The following ATP11B variants were observed in gnomAD, a reference collection of about 807,000 sequenced individuals.
ATP11B encodes phospholipid-transporting ATPase IF.
A neutral mutation model predicts 157.8 loss-of-function variants in ATP11B; 81 were observed. The observed-to-expected ratio is 0.51, with a 90% CI of 0.43 to 0.62. The LOEUF is 0.62. Ranked by LOEUF, ATP11B falls within the 20% of genes least tolerant of loss-of-function variation. The pLI is 0.00. For missense variants in ATP11B, 1,165 were observed against 1,402.2 expected (o/e 0.83, Z 2.70); for synonymous variants, 451 against 469.4 (o/e 0.96, Z 0.51).
At position 182,868,744 on chromosome 3, in the gene ATP11B, A is replaced by G. The variant is rs112190143; in HGVS notation, c.1689-334A>G. Among the ~76,000 whole-genome samples the G allele has an allele frequency of 3.3e-3, 504 of 152,290 alleles. 6 individuals are homozygous for G. Among genetic ancestry groups the G allele is most frequent in the African/African-American group, 0.012 (486 of 41,542 alleles). ...TCCAGTTCTTGCTCTGCCACTCACA[A>G]GCTTACCTGACTTTAGGCAAATTAC... On this transcript the variant is annotated intron_variant, in intron 15 of 29. Transcript: ENST00000323116.
At chr3:182,884,462 A>G (rs995149463) in intron 21 of ATP11B, among the ~76,000 whole-genome samples, 3 of 152,064 alleles carry the variant, frequency 2.0e-5, no homozygotes, top group Non-Finnish European at 4.4e-5. Flanking sequence ...TAGTGTAATA[A>G]TTGATGTTCC....
At chr3:182,915,429 A>G (rs1725074176) in intron 29 of ATP11B, 1 of 985,324 alleles carries the variant, frequency 1.0e-6, no homozygotes, top group Non-Finnish European at 1.2e-6. Context: ...TGGCTCTGTC[A>G]TGTACCTAGG....
At chr3:182,876,290 T>C (rs1246734344) in intron 19 of ATP11B, among the ~76,000 whole-genome samples, 5 of 152,194 alleles carry the variant, frequency 3.3e-5, no homozygotes, top group African/African-American at 1.2e-4. Flanking sequence ...TTGTAAAGCT[T>C]ATGCAGTGGT....
chr3:182,913,525 T>C (rs888700117), intron 28 of ATP11B, among the ~76,000 whole-genome samples: 2 of 152,370 alleles, frequency 1.3e-5, no homozygotes, highest in Middle Eastern at 3.4e-3. Context: ...CCATGCAGAA[T>C]TGGAATTCAT....
At chr3:182,879,938 C>G (rs897027809) in intron 20 of ATP11B, among the ~76,000 whole-genome samples, 1 of 152,116 alleles carries the variant, frequency 6.6e-6, no homozygotes. Flanking sequence ...AGCTACTTAG[C>G]GAGTGAAGGA....
Position 182,895,042 on chromosome 3 carries a change from G to A in ATP11B, c.2983-1658G>A, listed in dbSNP as rs149558269. Among the ~76,000 whole-genome samples, 317 of 151,134 alleles carry A rather than the reference G, an allele frequency of 2.1e-3. 5 individuals carry two copies. The East Asian group carries it at 0.034, about 16-fold the overall frequency. On this transcript the variant is annotated intron_variant, in intron 25 of 29. Coordinates refer to ENST00000323116, the MANE Select transcript of ATP11B (RefSeq NM_014616.3). ...TTGGGAGGATTGCTTGAGCCCGGGA[G>A]GTGGAGATTGCAGTGAGCCGAGATC...
intron 25 of ATP11B, among the ~76,000 whole-genome samples, chr3:182,890,349 A>ACATACAAAT (rs1419016119): frequency 2.0e-5 from 3 of 152,224 alleles, no homozygotes; most frequent in African/African-American, 7.2e-5. Flanking sequence ...GGAGATACAG[A>ACATACAAAT]CATACAAATT....
In ATP11B at chr3:182,919,151, T is replaced by TA. The variant is rs1725312610; in HGVS notation, c.*1048dup. ...GAAGAGCCTCTTTCTGCAGCCGACT[T>TA]AGACATGCTCTTCCCTTTCTATAAG... On this transcript the variant is annotated 3_prime_UTR_variant, in exon 30 of 30. Coordinates refer to ENST00000323116, the MANE Select transcript of ATP11B (RefSeq NM_014616.3). 1 of 152,578 alleles carries TA rather than the reference T, an allele frequency of 6.6e-6. No homozygotes were observed. The highest frequency in any genetic ancestry group is 2.4e-5 in the African/African-American group (1 of 41,452). The allele number at this position is 152,578 out of a possible 1,614,324, so 9.5% of individuals were successfully genotyped here.
intron 10 of ATP11B, among the ~76,000 whole-genome samples, chr3:182,857,576 ACTT>A (rs145023553): frequency 0.13 from 19,728 of 150,812 alleles, 1,494 homozygotes; most frequent in African/African-American, 0.22. Context: ...AAAAAAAAAA[ACTT>A]AGAATAATTA....
rs1341285705 is a variant in ATP11B, at chr3:182,826,576, A to G, written c.145-1544A>G. On this transcript the variant is annotated intron_variant, in intron 2 of 29. Transcript: ENST00000323116. Reference sequence around the variant, plus strand: ...CTTCCTTTGGCTCCAGGAAGTATCTACCTCTCTTCTTTCTAGAGCCCTAAA... The same window carrying G: ...CTTCCTTTGGCTCCAGGAAGTATCTGCCTCTCTTCTTTCTAGAGCCCTAAA... Among the ~76,000 whole-genome samples the G allele has an allele frequency of 5.3e-5, 8 of 152,008 alleles. No individual in the cohort carries two copies. In the East Asian group the frequency reaches 5.8e-4, roughly 11 times the overall value.
rs1725366136 is a variant in ATP11B at position 182,920,014 on chromosome 3, T to G, written c.*1910T>G. The G allele has an allele frequency of 6.6e-6, 1 of 152,160 alleles. No individual in the cohort carries two copies. Among genetic ancestry groups the G allele is most frequent in the South Asian group, 2.1e-4 (1 of 4,826 alleles). The allele number at this position is 152,160 out of a possible 1,614,324, so 9.4% of individuals were successfully genotyped here. ...GTGGGAGGATATGGAAATTTGCTCA[T>G]AAAATCTCTTATAAAACGTGCATAT... On this transcript the variant is annotated 3_prime_UTR_variant, in exon 30 of 30. Transcript: ENST00000323116.
In ATP11B at chr3:182,865,652, C is replaced by G. The variant is rs765448950; in HGVS notation, c.1397C>G (p.Thr466Arg). 1 of 1,613,502 alleles carries G rather than the reference C, an allele frequency of 6.2e-7. No individual in the cohort carries two copies. Among genetic ancestry groups the G allele is most frequent in the Non-Finnish European group, 8.5e-7 (1 of 1,179,568 alleles). Residue 466 changes from threonine to arginine, a missense_variant, in exon 13 of 30, where the codon ACA (threonine) becomes AGA (arginine). Thr to Arg is a moderately conservative substitution (Grantham distance 71). This residue lies in a region of ATP11B where 737 missense variants were observed against 930.5 expected (regional missense o/e 0.79). Coordinates refer to ENST00000323116, the MANE Select transcript of ATP11B (RefSeq NM_014616.3). ...LSHLNNLSHL[T>R]TSSSFRTSPE... is the part of the protein sequence containing the mutation. Reference sequence around the variant, plus strand: ...CATCTTAACAACTTATCCCATCTTACAACCAGTTCCTCTTTCAGAACCAGT... The same window carrying G: ...CATCTTAACAACTTATCCCATCTTAGAACCAGTTCCTCTTTCAGAACCAGT...
At chr3:182,916,716 GAAA>G (rs1240964176) in intron 29 of ATP11B, 1 of 983,456 alleles carries the variant, frequency 1.0e-6, no homozygotes, top group Non-Finnish European at 1.2e-6. Flanking sequence ...TGTGTGCTTT[GAAA>G]AAAAATTTAA....
intron 17 of ATP11B, among the ~76,000 whole-genome samples, chr3:182,870,312 C>T (rs1468806590): frequency 2.0e-5 from 3 of 152,180 alleles, no homozygotes; most frequent in South Asian, 2.1e-4. Flanking sequence ...TTATGCAGTT[C>T]TCTCTCAGTC....
chr3:182,868,550 A>T (rs922764326), intron 15 of ATP11B, among the ~76,000 whole-genome samples: 5 of 152,048 alleles, frequency 3.3e-5, no homozygotes, highest in African/African-American at 1.2e-4. Context: ...CTAGAGAGGC[A>T]CGAGGGAATG....
chr3:182,823,369 G>A (rs1717495953), intron 2 of ATP11B, among the ~76,000 whole-genome samples: 2 of 152,134 alleles, frequency 1.3e-5, no homozygotes, highest in Admixed American at 6.5e-5. Context: ...TATTAAATAG[G>A]GACTCCTTTC....
At chr3:182,844,158 A>G (rs896486544) in intron 8 of ATP11B, 1 of 152,222 alleles carries the variant, frequency 6.6e-6, no homozygotes, top group Non-Finnish European at 1.5e-5. Context: ...AGTTGTCATT[A>G]TATCCCAATT....
intron 15 of ATP11B, among the ~76,000 whole-genome samples, chr3:182,868,831 C>T (rs892691307): frequency 1.3e-5 from 2 of 152,082 alleles, no homozygotes; most frequent in Admixed American, 6.6e-5. Context: ...ACTTTCTTGG[C>T]CTCTCATGGA....
intron 19 of ATP11B, among the ~76,000 whole-genome samples, chr3:182,878,324 T>G (rs1396843460): frequency 6.6e-6 from 1 of 152,196 alleles, no homozygotes; most frequent in Non-Finnish European, 1.5e-5. Context: ...CACTTCTTAT[T>G]TTTAAGTGGA....
Sources: allele counts gnomAD v4.1 joint callset (sites outside exome capture counted in the v4.1 genomes callset), GRCh38; gene constraint gnomAD v4.1.1; regional missense constraint gnomAD v4.1.1; transcripts MANE v1.5; gene names NCBI Gene and HGNC (gene_info 2026-07-23, HGNC 2026-07-21).